The following COP1 variants were observed in gnomAD, a reference collection of about 807,000 sequenced individuals.
The protein encoded by COP1 is E3 ubiquitin-protein ligase COP1.
A neutral mutation model predicts 101.3 loss-of-function variants in COP1; 24 were observed. The ratio of observed to expected loss-of-function variants is 0.24; its 90% confidence interval spans 0.17 to 0.33. The LOEUF (loss-of-function observed/expected upper bound fraction) is 0.33, where lower values mean the gene tolerates loss of function less well. Among genes scored for constraint, COP1 ranks in the 10% least tolerant of loss-of-function variants. The pLI is 1.00. For missense variants in COP1, 663 were observed against 906.2 expected (o/e 0.73, Z 3.45); for synonymous variants, 347 against 341.9 (o/e 1.01, Z -0.17).
At chr1:176,081,024 ACAGAACT>A (rs1679033459) in intron 11 of COP1, 121 bp downstream of exon 11, 14 of 819,608 alleles carry the variant, frequency 1.7e-5, no homozygotes, top group Non-Finnish European at 2.5e-5. Flanking sequence ...GCCTAAAATC[ACAGAACT>A]AATAATTGGC....
At chr1:175,994,322 A>T (rs1479181135) in intron 15 of COP1, among the ~76,000 whole-genome samples, 1 of 152,346 alleles carries the variant, frequency 6.6e-6, no homozygotes, top group Non-Finnish European at 1.5e-5. Context: ...GAGGCTAGGA[A>T]GAAACTGCAT....
At chr1:175,964,527 C>T (rs1180339717) in intron 18 of COP1, among the ~76,000 whole-genome samples, 3 of 152,160 alleles carry the variant, frequency 2.0e-5, no homozygotes, top group Non-Finnish European at 2.9e-5. Context: ...ATACTATTTA[C>T]ATTTGTCCTC....
chr1:176,135,281 T>C (rs1689623960), intron 7 of COP1, among the ~76,000 whole-genome samples, 195 bp from the exon 8 acceptor site: 1 of 152,026 alleles, frequency 6.6e-6, no homozygotes, highest in South Asian at 2.1e-4. Flanking sequence ...ACAAGCCTTT[T>C]CCATGGTACA....
At chr1:175,949,872 T>C (rs1188800442) in intron 18 of COP1, among the ~76,000 whole-genome samples, 1 of 152,240 alleles carries the variant, frequency 6.6e-6, no homozygotes, top group Non-Finnish European at 1.5e-5. Context: ...GGGAGTCTAC[T>C]TCTGGCAGTT....
intron 11 of COP1, 91 bp downstream of exon 11, chr1:176,081,061 G>A (rs1403115354): frequency 6.9e-6 from 8 of 1,165,594 alleles, no homozygotes; most frequent in East Asian, 2.6e-5. Flanking sequence ...CAGAACCCAC[G>A]CTTTTAATAA....
chr1:176,160,122 A>G, intron 5 of COP1: 1 of 212,136 alleles, frequency 4.7e-6, no homozygotes, highest in Admixed American at 5.6e-5. Flanking sequence ...TAATAAGACA[A>G]CTGTGTTTCT....
chr1:176,094,673 TAAA>T (rs397965708), intron 9 of COP1, among the ~76,000 whole-genome samples: 8 of 133,974 alleles, frequency 6.0e-5, no homozygotes, highest in Non-Finnish European at 1.3e-4. Context: ...TGGAAAAAGT[TAAA>T]AAAAAAAAAA....
rs568693106 is a variant in COP1, at chr1:176,182,592, A to G, written c.467+2041T>C. Among the ~76,000 whole-genome samples the G allele has an allele frequency of 4.6e-5, 7 of 152,380 alleles. No homozygotes were observed. In the South Asian group the frequency reaches 1.4e-3, roughly 32 times the overall value. On this transcript the variant is annotated intron_variant, in intron 2 of 19. Coordinates refer to ENST00000367669, the MANE Select transcript of COP1 (RefSeq NM_022457.7). Reference sequence around the variant, plus strand: ...TAATATGTCAATAGTGACAAGGTTGAGAAAGCCTACTCTAGATCACCTAAT... The same window carrying G: ...TAATATGTCAATAGTGACAAGGTTGGGAAAGCCTACTCTAGATCACCTAAT...
rs1452611461 is a variant in COP1 at position 176,043,757 on chromosome 1, C to T, written c.1483G>A (p.Val495Ile). 6.2e-7 allele frequency: 1 copy of T among 1,612,076 alleles called. No homozygotes were observed. ...LLASSDYEGT[V>I]ILWDGFTGQR... Reference sequence around the variant, plus strand: ...CCTGTGAATCCATCCCATAAAATAACAGTGCCTTCATAATCACTGCTAGCT... The same window carrying T: ...CCTGTGAATCCATCCCATAAAATAATAGTGCCTTCATAATCACTGCTAGCT... The change falls in exon 13 of 20, where the codon GTT (valine) becomes ATT (isoleucine). Residue 495 changes from valine (V) to isoleucine (I), a missense_variant. Coordinates refer to ENST00000367669, the MANE Select transcript of COP1 (RefSeq NM_022457.7).
At chr1:176,049,572 T>TC (rs910030956) in intron 11 of COP1, among the ~76,000 whole-genome samples, 22 of 150,880 alleles carry the variant, frequency 1.5e-4, no homozygotes, top group South Asian at 8.4e-4. Context: ...GACAAACAGG[T>TC]CCCCCCCCTC....
chr1:175,978,355 T>G (rs1655047671), intron 18 of COP1, among the ~76,000 whole-genome samples: 1 of 152,214 alleles, frequency 6.6e-6, no homozygotes, highest in Non-Finnish European at 1.5e-5. Context: ...AATCATATTT[T>G]GTTGATTTTA....
At chr1:176,087,520 G>T (rs1680447100) in intron 9 of COP1, among the ~76,000 whole-genome samples, 3 of 152,172 alleles carry the variant, frequency 2.0e-5, no homozygotes, top group African/African-American at 7.2e-5. Context: ...ATCATCATTG[G>T]CCATCAGAGA....
chr1:176,200,415 C>T (rs1354063761), intron 1 of COP1, among the ~76,000 whole-genome samples: 1 of 152,136 alleles, frequency 6.6e-6, no homozygotes, highest in East Asian at 1.9e-4. Flanking sequence ...GCCAAATGCC[C>T]ATCTGTGAAT....
chr1:176,149,171 C>A, intron 5 of COP1, 97 bp from the exon 6 acceptor site: 1 of 576,314 alleles, frequency 1.7e-6, no homozygotes, highest in South Asian at 3.6e-5. Context: ...CAAATTTATG[C>A]ACCCATTTAA....
intron 18 of COP1, among the ~76,000 whole-genome samples, chr1:175,986,405 C>G (rs1167742217): frequency 2.6e-5 from 4 of 152,082 alleles, no homozygotes; most frequent in South Asian, 2.1e-4. Context: ...CTTTATAAAA[C>G]CCAGTAGCAT....
intron 11 of COP1, among the ~76,000 whole-genome samples, chr1:176,080,169 T>TA (rs1678850142): frequency 1.3e-5 from 2 of 152,126 alleles, no homozygotes; most frequent in South Asian, 4.1e-4. Flanking sequence ...CTGTCAATTT[T>TA]AAAAAAACAA....
chr1:176,077,648 C>G (rs546874161), intron 11 of COP1, among the ~76,000 whole-genome samples: 32 of 152,124 alleles, frequency 2.1e-4, no homozygotes, highest in Non-Finnish European at 3.8e-4. Context: ...AAGGTCCTAA[C>G]CAGAGCAATC....
At position 176,043,320 on chromosome 1, in the gene COP1, A is replaced by C. The variant is rs1670962494; in HGVS notation, c.1531-53T>G. The C allele has an allele frequency of 1.4e-5, 15 of 1,106,560 alleles. No individual in the cohort carries two copies. In the South Asian group the frequency reaches 2.0e-4, roughly 15 times the overall value. The allele number at this position is 1,106,560 out of a possible 1,614,324, so 68.5% of individuals were successfully genotyped here. ...CAGATAGAATACAGATCTCAAAATG[A>C]ATAAAGCAAGAAAAAAAAAAACCTG... On this transcript the variant is annotated intron_variant, in intron 13 of 19. Transcript: ENST00000367669.
chr1:176,149,603 C>G (rs1306503020), intron 5 of COP1, among the ~76,000 whole-genome samples: 3 of 152,012 alleles, frequency 2.0e-5, no homozygotes, highest in Non-Finnish European at 4.4e-5. Context: ...AATCAAACAA[C>G]TGAAAACAAA....
Sources: allele counts gnomAD v4.1 joint callset (sites outside exome capture counted in the v4.1 genomes callset), GRCh38; gene constraint gnomAD v4.1.1; transcripts MANE v1.5; gene names NCBI Gene and HGNC (gene_info 2026-07-23, HGNC 2026-07-21).